SGIP1: variants seen among roughly 807,000 people sequenced by gnomAD.
The protein encoded by SGIP1 is SH3GL interacting endocytic adaptor 1, also known as SH3-containing GRB2-like protein 3-interacting protein 1.
Under a neutral mutation model 107.5 loss-of-function variants are expected in SGIP1, and 38 were observed. That is an observed-to-expected ratio of 0.35 (90% confidence interval 0.27 to 0.46). The LOEUF (loss-of-function observed/expected upper bound fraction) is 0.46. Among genes scored for constraint, SGIP1 ranks in the 20% least tolerant of loss-of-function variants. The pLI, the probability that SGIP1 is intolerant of heterozygous loss-of-function variation, is 1.00. For synonymous variants in SGIP1, 365 were observed against 366.1 expected (o/e 1.00, Z 0.03); for missense variants, 929 against 1,019.5 (o/e 0.91, Z 1.21).
chr1:66,598,374 C>T (rs546691702), intron 1 of SGIP1, among the ~76,000 whole-genome samples: 3 of 152,254 alleles, frequency 2.0e-5, no homozygotes, highest in Non-Finnish European at 2.9e-5. Flanking sequence ...TAAATTTTAG[C>T]TTTGGAATGC....
intron 17 of SGIP1, among the ~76,000 whole-genome samples, chr1:66,691,853 A>G (rs2089923497): frequency 6.6e-6 from 1 of 152,178 alleles, no homozygotes; most frequent in Non-Finnish European, 1.5e-5. Flanking sequence ...TCATAGAGAA[A>G]ATAGCACACA....
At chr1:66,715,473 G>A (rs186439582) in intron 18 of SGIP1, among the ~76,000 whole-genome samples, 2 of 152,008 alleles carry the variant, frequency 1.3e-5, no homozygotes, top group African/African-American at 4.8e-5. Flanking sequence ...GTTGTTGTTG[G>A]GGGGGCGTGG....
chr1:66,734,552 T>A (rs2094149628), intron 21 of SGIP1, among the ~76,000 whole-genome samples: 1 of 150,986 alleles, frequency 6.6e-6, no homozygotes, highest in East Asian at 1.9e-4. Flanking sequence ...TCACCCAGGC[T>A]GGAGTGCAGT....
At chr1:66,583,065 G>C (rs2062037418) in intron 1 of SGIP1, among the ~76,000 whole-genome samples, 1 of 151,550 alleles carries the variant, frequency 6.6e-6, no homozygotes, top group Non-Finnish European at 1.5e-5. Context: ...TCAATTGATT[G>C]ATAAATATCT....
At chr1:66,595,920 G>T (rs892300872) in intron 1 of SGIP1, among the ~76,000 whole-genome samples, 2 of 152,202 alleles carry the variant, frequency 1.3e-5, no homozygotes, top group African/African-American at 4.8e-5. Context: ...GTTTGAGGAG[G>T]GGGAGGAGGA....
At chr1:66,692,426 C>T (rs2090060859) in intron 17 of SGIP1, among the ~76,000 whole-genome samples, 1 of 152,168 alleles carries the variant, frequency 6.6e-6, no homozygotes, top group African/African-American at 2.4e-5. Flanking sequence ...CATCTTCCTG[C>T]TGAATTCCTC....
At chr1:66,569,292 G>T (rs1458910954) in intron 1 of SGIP1, among the ~76,000 whole-genome samples, 1 of 151,878 alleles carries the variant, frequency 6.6e-6, no homozygotes, top group Non-Finnish European at 1.5e-5. Context: ...GAACATCCTT[G>T]CTTTCTTTCT....
rs1417245753 is a variant in SGIP1 at position 66,719,965 on chromosome 1, G to A, written c.1742+560G>A. 2.6e-5 allele frequency among the ~76,000 whole-genome samples: 4 copies of A among 152,208 alleles called. No homozygotes were observed. In the Middle Eastern group the frequency reaches 0.01, roughly 388 times the overall value. On this transcript the variant is annotated intron_variant, in intron 19 of 24. Transcript: ENST00000371037. ...AAGAGAAAGAAAAAATTATAACAGA[G>A]CAAAGTAAAAATTCTAGGGAAAATT... is the stretch of plus-strand genomic sequence containing the variant.
intron 1 of SGIP1, among the ~76,000 whole-genome samples, chr1:66,551,922 T>C (rs2057472894): frequency 2.0e-5 from 3 of 152,214 alleles, no homozygotes; most frequent in African/African-American, 7.2e-5. Flanking sequence ...TTAATTATTC[T>C]GCACAACTTA....
intron 8 of SGIP1, among the ~76,000 whole-genome samples, chr1:66,660,913 G>C (rs1236412149): frequency 6.6e-6 from 1 of 152,200 alleles, no homozygotes; most frequent in Non-Finnish European, 1.5e-5. Context: ...GTACAACATA[G>C]TAGCATCTGG....
rs549966276 is a variant in SGIP1 at position 66,549,834 on chromosome 1, T to C, written c.10+15466T>C. 2.0e-5 allele frequency among the ~76,000 whole-genome samples: 3 copies of C among 152,300 alleles called. No homozygotes were observed. In the East Asian group the frequency reaches 5.8e-4, roughly 29 times the overall value. ...TTTCTGGGGCTACACACTCATATTTTGGTTTCCATCTATACACTGACTCCC... is the reference window on the plus strand; with the variant it reads ...TTTCTGGGGCTACACACTCATATTTCGGTTTCCATCTATACACTGACTCCC... On this transcript the variant is annotated intron_variant, in intron 1 of 24. Coordinates refer to ENST00000371037, the MANE Select transcript of SGIP1 (RefSeq NM_032291.4).
chr1:66,717,664 A>G (rs2093320100), intron 18 of SGIP1, among the ~76,000 whole-genome samples: 1 of 152,174 alleles, frequency 6.6e-6, no homozygotes, highest in African/African-American at 2.4e-5. Flanking sequence ...TCAGAGTCTA[A>G]GCTTTGAACT....
At position 66,733,794 on chromosome 1, in the gene SGIP1, A is replaced by G; in HGVS notation, c.1945A>G (p.Met649Val). ...DANTKEFWVNMPNLMTHLKKV... is the reference protein window; with the variant it reads ...DANTKEFWVNVPNLMTHLKKV... ...CAATACCAAGGAATTCTGGGTAAAC[A>G]TGCCAAATTTGATGACTCACCTAAA... is the stretch of plus-strand genomic sequence containing the variant. Residue 649 changes from methionine to valine, a missense_variant, in exon 21 of 25, where the codon ATG (methionine) becomes GTG (valine). Around this residue, in one of 2 missense-constraint regions of SGIP1, gnomAD observed 341 missense variants for 430.9 expected, o/e 0.79. Coordinates refer to ENST00000371037, the MANE Select transcript of SGIP1 (RefSeq NM_032291.4). 6.2e-7 allele frequency: 1 copy of G among 1,613,672 alleles called. No homozygotes were observed. Among genetic ancestry groups the G allele is most frequent in the Non-Finnish European group, 8.5e-7 (1 of 1,179,768 alleles).
chr1:66,675,334 C>T (rs2084941535), intron 12 of SGIP1, among the ~76,000 whole-genome samples: 1 of 152,232 alleles, frequency 6.6e-6, no homozygotes, highest in South Asian at 2.1e-4. Context: ...AGGAGATACA[C>T]ACCCAGACCT....
chr1:66,562,046 G>A (rs1007749004), intron 1 of SGIP1, among the ~76,000 whole-genome samples: 105 of 151,774 alleles, frequency 6.9e-4, no homozygotes, highest in African/African-American at 2.0e-3. Flanking sequence ...TTCCCAAATC[G>A]AAGATTTCTT....
chr1:66,740,078 T>C (rs960410791), intron 22 of SGIP1, among the ~76,000 whole-genome samples: 2 of 152,214 alleles, frequency 1.3e-5, no homozygotes, highest in African/African-American at 4.8e-5. Context: ...GTGCATGCAA[T>C]TGGTAAACCT....
chr1:66,566,478 T>G (rs1315000787), intron 1 of SGIP1, among the ~76,000 whole-genome samples: 1 of 151,986 alleles, frequency 6.6e-6, no homozygotes, highest in Non-Finnish European at 1.5e-5. Flanking sequence ...TTTTGAGTAA[T>G]GAATATTAAT....
intron 1 of SGIP1, among the ~76,000 whole-genome samples, chr1:66,561,702 C>G (rs950930942): frequency 1.3e-5 from 2 of 152,016 alleles, no homozygotes; most frequent in Admixed American, 1.3e-4. Flanking sequence ...GAGGAAGACA[C>G]TCGGTCCCAC....
At chr1:66,739,842 A>C (rs1206238707) in intron 22 of SGIP1, among the ~76,000 whole-genome samples, 2 of 152,186 alleles carry the variant, frequency 1.3e-5, no homozygotes, top group African/African-American at 4.8e-5. Flanking sequence ...TACCGGTAGA[A>C]CCATTGAATT....
Sources: allele counts gnomAD v4.1 joint callset (sites outside exome capture counted in the v4.1 genomes callset), GRCh38; gene constraint gnomAD v4.1.1; regional missense constraint gnomAD v4.1.1; transcripts MANE v1.5; gene names NCBI Gene and HGNC (gene_info 2026-07-23, HGNC 2026-07-21).